Variants in TTC7B observed in about 807,000 individuals in gnomAD.
TTC7B encodes the protein tetratricopeptide repeat domain 7B, also known as tetratricopeptide repeat protein 7B.
A neutral mutation model predicts 106.8 loss-of-function variants in TTC7B; 28 were observed. The observed-to-expected ratio is 0.26, with a 90% CI of 0.19 to 0.36. The LOEUF (loss-of-function observed/expected upper bound fraction) is 0.36, where lower values mean the gene tolerates loss of function less well. Ranked by LOEUF, TTC7B falls within the 10% of genes least tolerant of loss-of-function variation. The probability of loss-of-function intolerance (pLI) is 1.00; values close to 1 mark genes in which losing one functional copy is unlikely to be tolerated. For synonymous variants in TTC7B, 405 were observed against 430.6 expected, an observed-to-expected ratio of 0.94 and a Z score of 0.74; for missense variants, 862 against 1,076.4, an observed-to-expected ratio of 0.80 and a Z score of 2.79.
At chr14:90,705,868 G>C (rs1261704349) in intron 5 of TTC7B, among the ~76,000 whole-genome samples, 2 of 152,092 alleles carry the variant, frequency 1.3e-5, no homozygotes, top group East Asian at 1.9e-4. Context: ...TTATCTGCTA[G>C]AGAAAACCTG....
intron 8 of TTC7B, among the ~76,000 whole-genome samples, chr14:90,679,521 A>G (rs1482028362): frequency 1.3e-5 from 2 of 152,158 alleles, no homozygotes; most frequent in Non-Finnish European, 2.9e-5. Flanking sequence ...AGCGGTGACA[A>G]CTATGGGGAG....
chr14:90,780,819 G>A lies in TTC7B; in HGVS notation c.364C>T (p.Arg122Trp), dbSNP rs748206842. 39 of 1,614,162 alleles carry A rather than the reference G, an allele frequency of 2.4e-5. No individual in the cohort carries two copies. Among genetic ancestry groups the A allele is most frequent in the Admixed American group, 1.2e-4 (7 of 60,014 alleles). The change falls in exon 3 of 20, where the codon CGG becomes TGG. Residue 122 changes from arginine (R) to tryptophan (W), a missense_variant. Physicochemically the swap from Arg to Trp is moderately radical, Grantham distance 101. Coordinates refer to ENST00000328459, the MANE Select transcript of TTC7B (RefSeq NM_001010854.2). Reference sequence around the variant, plus strand: ...AGTGGCAGATCGTCCAGGCCCACCCGGGCGTAAATGTTCAGAGCTTCTTTA... The same window carrying A: ...AGTGGCAGATCGTCCAGGCCCACCCAGGCGTAAATGTTCAGAGCTTCTTTA... ...DYKEALNIYA[R>W]VGLDDLPLTA...
intron 6 of TTC7B, among the ~76,000 whole-genome samples, chr14:90,694,144 G>A (rs981104673): frequency 3.9e-5 from 6 of 152,202 alleles, no homozygotes; most frequent in Non-Finnish European, 8.8e-5. Context: ...ATGCGCACCT[G>A]TAGTCCCAGC....
At chr14:90,546,624 AGCAGCGCTGCCCAGCAGCAC>A (rs1233108884) in intron 19 of TTC7B, among the ~76,000 whole-genome samples, 2 of 152,186 alleles carry the variant, frequency 1.3e-5, no homozygotes, top group Non-Finnish European at 2.9e-5. Context: ...GCCCCCAACC[AGCAGCGCTGCCCAGCAGCAC>A]GCAGCTCCTG....
chr14:90,645,604 G>C (rs1444883693), intron 14 of TTC7B, among the ~76,000 whole-genome samples: 1 of 152,204 alleles, frequency 6.6e-6, no homozygotes, highest in Admixed American at 6.5e-5. Context: ...CCTTCCCCAG[G>C]TGACAACCTA....
At position 90,541,272 on chromosome 14, in the gene TTC7B, T is replaced by C. The variant is rs1160856977; in HGVS notation, c.*96A>G. Reference sequence around the variant, plus strand: ...ACTGAACACTCGTCCCTGGCCTCAGTGTGGCAGATTCATCCCCTTGGGGCG... The same window carrying C: ...ACTGAACACTCGTCCCTGGCCTCAGCGTGGCAGATTCATCCCCTTGGGGCG... On this transcript the variant is annotated 3_prime_UTR_variant, in exon 20 of 20. Transcript: ENST00000328459. 2.6e-6 allele frequency: 3 copies of C among 1,170,972 alleles called. No individual in the cohort carries two copies. Among genetic ancestry groups the C allele is most frequent in the Middle Eastern group, 2.4e-4 (1 of 4,252 alleles). 72.5% of individuals were successfully genotyped at this position (1,170,972 alleles called of 1,614,324 possible).
rs148516447 is a variant in TTC7B at position 90,680,512 on chromosome 14, G to A, written c.974C>T (p.Thr325Met). Residue 325 changes from threonine (T) to methionine (M), a missense_variant, in exon 8 of 20, where the codon ACG becomes ATG. Thr to Met is a moderately conservative substitution (Grantham distance 81). Transcript: ENST00000328459. ...CAGCAATAACAACAGGGCTTCTTCC[G>A]TATTTTCTTGAGGACAAAAAATGCT... ...GENIFCPQEN[T>M]EEALLLLLIS... 1.3e-4 allele frequency: 214 copies of A among 1,613,476 alleles called. No homozygotes were observed. The highest frequency in any genetic ancestry group is 1.6e-4 in the Non-Finnish European group (189 of 1,179,744).
intron 3 of TTC7B, among the ~76,000 whole-genome samples, chr14:90,754,053 TA>T (rs1384463229): frequency 6.6e-6 from 1 of 152,248 alleles, no homozygotes; most frequent in African/African-American, 2.4e-5. Context: ...ACATGTCAGA[TA>T]CTGTTCTCAG....
chr14:90,639,119 G>A (rs745880098), intron 15 of TTC7B, among the ~76,000 whole-genome samples: 2 of 152,116 alleles, frequency 1.3e-5, no homozygotes, highest in Non-Finnish European at 2.9e-5. Flanking sequence ...TGATTTAGGA[G>A]ACTACCTTCA....
chr14:90,634,898 C>T (rs771838751), intron 15 of TTC7B, among the ~76,000 whole-genome samples: 1 of 152,134 alleles, frequency 6.6e-6, no homozygotes, highest in Non-Finnish European at 1.5e-5. Context: ...GAATACTGAA[C>T]AGGATTCACC....
At chr14:90,640,109 T>A (rs973804633) in intron 15 of TTC7B, among the ~76,000 whole-genome samples, 1 of 151,950 alleles carries the variant, frequency 6.6e-6, no homozygotes, top group Non-Finnish European at 1.5e-5. Context: ...TGAAACCCCA[T>A]CACTACAAAA....
intron 5 of TTC7B, among the ~76,000 whole-genome samples, chr14:90,727,572 G>T (rs1357472085): frequency 6.6e-6 from 1 of 152,206 alleles, no homozygotes; most frequent in South Asian, 2.1e-4. Context: ...CAGGTTTTCT[G>T]AAAGAGATGC....
At chr14:90,582,592 A>C (rs1431644438) in intron 18 of TTC7B, among the ~76,000 whole-genome samples, 1 of 152,244 alleles carries the variant, frequency 6.6e-6, no homozygotes, top group Non-Finnish European at 1.5e-5. Flanking sequence ...AGCGAGTCAC[A>C]AATGGTGAGG....
chr14:90,786,136 C>G (rs1891378853), intron 2 of TTC7B, 38 bp downstream of exon 2: 1 of 1,511,158 alleles, frequency 6.6e-7, no homozygotes, highest in Non-Finnish European at 8.8e-7. Flanking sequence ...CCACACTGTC[C>G]AAAGGAAGTG....
chr14:90,582,774 T>G (rs1891550861), intron 18 of TTC7B, among the ~76,000 whole-genome samples: 1 of 152,228 alleles, frequency 6.6e-6, no homozygotes, highest in Non-Finnish European at 1.5e-5. Flanking sequence ...CTTAAGACAA[T>G]GACTCTGAAT....
intron 1 of TTC7B, among the ~76,000 whole-genome samples, chr14:90,790,010 C>T (rs1891529852): frequency 6.6e-6 from 1 of 151,964 alleles, no homozygotes; most frequent in African/African-American, 2.4e-5. Context: ...GTGTATTTTA[C>T]ACTCACAGCA....
intron 1 of TTC7B, among the ~76,000 whole-genome samples, chr14:90,804,096 A>G (rs145053653): frequency 0.019 from 2,952 of 151,698 alleles, 35 homozygotes; most frequent in Middle Eastern, 0.031. Flanking sequence ...AGCACTTTGG[A>G]AGGCCGAAGC....
intron 19 of TTC7B, among the ~76,000 whole-genome samples, chr14:90,571,244 A>G (rs1025979150): frequency 3.9e-5 from 6 of 152,236 alleles, no homozygotes; most frequent in South Asian, 4.1e-4. Flanking sequence ...TCACACAGCT[A>G]TCGAAGAAGC....
chr14:90,794,164 A>C (rs1891687504), intron 1 of TTC7B, among the ~76,000 whole-genome samples: 1 of 150,082 alleles, frequency 6.7e-6, no homozygotes, highest in African/African-American at 2.4e-5. Context: ...TGGCCTCCCA[A>C]AGTGCTGGGA....
Sources: gnomAD v4.1 joint callset for allele counts (sites outside exome capture counted in the v4.1 genomes callset) on GRCh38, gnomAD v4.1.1 for gene constraint, MANE v1.5 for transcripts, NCBI Gene and HGNC (gene_info 2026-07-23, HGNC 2026-07-21) for gene names.